GART: variants seen among roughly 807,000 people sequenced by gnomAD.
GART encodes trifunctional purine biosynthetic protein adenosine-3.
GART carries 43 observed loss-of-function variants against 107.2 expected under a neutral mutation model. The ratio of observed to expected loss-of-function variants is 0.40; its 90% CI spans 0.31 to 0.52. The LOEUF is 0.52. Among genes scored for constraint, GART ranks in the 20% least tolerant of loss-of-function variants. GART has a pLI of 0.52. For missense variants in GART, 1,107 were observed against 1,206.5 expected, an observed-to-expected ratio of 0.92 and a Z score of 1.22; for synonymous variants, 434 against 427.0, an observed-to-expected ratio of 1.02 and a Z score of -0.20.
upstream of GART, chr21:33,542,817 G>A (rs1009170860): frequency 1.9e-6 from 1 of 529,992 alleles, no homozygotes; most frequent in Non-Finnish European, 3.4e-6. Flanking sequence ...CAAGAGAGAC[G>A]GCTCCTGTAA....
intron 16 of GART, among the ~76,000 whole-genome samples, chr21:33,512,617 C>T (rs1175279253): frequency 1.3e-5 from 2 of 151,900 alleles, no homozygotes; most frequent in East Asian, 3.9e-4. Context: ...GAGACAGGAT[C>T]TGGCTCTGTT....
intron 6 of GART, 32 bp downstream of exon 6, chr21:33,531,457 A>G (rs2085186938): frequency 6.3e-7 from 1 of 1,593,118 alleles, no homozygotes; most frequent in Non-Finnish European, 8.6e-7. Context: ...CTTCTTATAC[A>G]CTACAAAAGC....
chr21:33,522,046 GA>G (rs1009777950), intron 12 of GART, 141 bp downstream of exon 12: 12 of 576,140 alleles, frequency 2.1e-5, no homozygotes, highest in Admixed American at 6.0e-5. Context: ...AAAGAAAGCA[GA>G]AGACTGGGTT....
chr21:33,535,411 C>CTA (rs1165170671), intron 2 of GART, 91 bp from the exon 3 acceptor site: 6 of 740,572 alleles, frequency 8.1e-6, no homozygotes, highest in Admixed American at 2.9e-5. Flanking sequence ...AAACTAAGTT[C>CTA]TATACTTTAG....
chr21:33,542,801 T>C, upstream of GART: 3 of 472,422 alleles, frequency 6.4e-6, no homozygotes, highest in Non-Finnish European at 1.2e-5. Flanking sequence ...GCGGACACGG[T>C]CGCCTCAAGA....
intron 13 of GART, 130 bp from the exon 14 acceptor site, chr21:33,520,692 A>G: frequency 1.2e-6 from 1 of 821,416 alleles, no homozygotes; most frequent in South Asian, 1.8e-5. Flanking sequence ...TTGGTCTAAA[A>G]GCATCCCCTT....
chr21:33,535,203 A>G, intron 3 of GART, 22 bp downstream of exon 3: 1 of 1,476,624 alleles, frequency 6.8e-7, no homozygotes, highest in Non-Finnish European at 9.2e-7. Flanking sequence ...ATACTGTAAC[A>G]ATAAACAGAA....
At chr21:33,512,289 G>GAAAAAAAAAAAAAAAAAAAA (rs563178142) in intron 16 of GART, among the ~76,000 whole-genome samples, 1 of 65,442 alleles carries the variant, frequency 1.5e-5, no homozygotes, top group African/African-American at 6.2e-5. Flanking sequence ...GACTCAAATT[G>GAAAAAAAAAAAAAAAAAAAA]AAAAAAAAAA....
At chr21:33,522,895 A>C (rs1475477623) in intron 11 of GART, among the ~76,000 whole-genome samples, 1 of 152,250 alleles carries the variant, frequency 6.6e-6, no homozygotes, top group Admixed American at 6.5e-5. Flanking sequence ...ATGCCTAATC[A>C]AGTCAAAAAA....
At chr21:33,523,489 A>G (rs2085009918) in intron 11 of GART, among the ~76,000 whole-genome samples, 4 of 152,226 alleles carry the variant, frequency 2.6e-5, no homozygotes, top group Admixed American at 2.0e-4. Context: ...TTTTTAAATG[A>G]AAAATAAATT....
At position 33,504,011 on chromosome 21, in the gene GART, G is replaced by T; in HGVS notation, c.*113C>A. The stretch of plus-strand genomic sequence containing the variant: ...AAAAAATAGATGAAGTAAGGGTGAG[G>T]TCTTTTTTGTCTTTTAGCAGTTTTT... On this transcript the variant is annotated 3_prime_UTR_variant, in exon 22 of 22. Transcript: ENST00000381815. The T allele has an allele frequency of 2.3e-6, 2 of 873,696 alleles. No individual in the cohort carries two copies. The highest frequency in any genetic ancestry group is 3.4e-6 in the Non-Finnish European group (2 of 582,696). The allele number at this position is 873,696 out of a possible 1,614,324, so 54.1% of individuals were successfully genotyped here. A position where few individuals can be genotyped will look rare whatever the true frequency, so the allele number is the denominator to read the frequency against.
intron 2 of GART, 78 bp downstream of exon 2, chr21:33,539,092 CA>C (rs1157969364): frequency 1.5e-5 from 20 of 1,361,178 alleles, no homozygotes; most frequent in Non-Finnish European, 1.9e-5. Flanking sequence ...TCTTTATTAA[CA>C]TAAAGTACAG....
chr21:33,511,560 CTA>C, intron 16 of GART, 102 bp from the exon 17 acceptor site: 1 of 1,203,982 alleles, frequency 8.3e-7, no homozygotes, highest in South Asian at 1.3e-5. Flanking sequence ...TCAGGCTCTG[CTA>C]TTTTATGTAG....
chr21:33,539,429 A>G (rs2085367086), intron 1 of GART, 73 bp from the exon 2 acceptor site: 5 of 1,139,696 alleles, frequency 4.4e-6, no homozygotes, highest in Non-Finnish European at 6.1e-6. Flanking sequence ...ACAGTGGCTC[A>G]TGCCTGTACC....
Position 33,504,442 on chromosome 21 carries a change from T to C in GART, c.2811A>G (p.Thr937=), listed in dbSNP as rs763387008. The part of the protein sequence containing the change: ...AHEQALETGV[T]VTGCTVHFVA... ...CAAAGTGTACAGTGCACCCAGTAACTGTGACTCCGGTTTCCAGGGCTTGCT... is the reference window on the plus strand; with the variant it reads ...CAAAGTGTACAGTGCACCCAGTAACCGTGACTCCGGTTTCCAGGGCTTGCT... Residue 937 remains threonine (T), a synonymous_variant, in exon 21 of 22, where the codon ACA becomes ACG. Transcript: ENST00000381815. 4.3e-6 allele frequency: 7 copies of C among 1,614,092 alleles called. No homozygotes were observed. The East Asian group carries it at 1.6e-4, about 36-fold the overall frequency.
At chr21:33,540,176 C>A (rs554965881) in intron 1 of GART, among the ~76,000 whole-genome samples, 1 of 152,084 alleles carries the variant, frequency 6.6e-6, no homozygotes, top group Non-Finnish European at 1.5e-5. Flanking sequence ...AAAGATAATA[C>A]GAAGATGAAT....
At chr21:33,530,973 CTTCT>C in intron 6 of GART, 89 bp from the exon 7 acceptor site, 4 of 1,202,818 alleles carry the variant, frequency 3.3e-6, no homozygotes, top group Non-Finnish European at 4.4e-6. Context: ...TCCCTTAATT[CTTCT>C]TTGAGGAAAA....
intron 2 of GART, among the ~76,000 whole-genome samples, chr21:33,536,492 G>A (rs1219009380): frequency 1.3e-5 from 2 of 152,190 alleles, no homozygotes; most frequent in African/African-American, 4.8e-5. Flanking sequence ...TTTATCCTTA[G>A]AGGACACATT....
intron 14 of GART, among the ~76,000 whole-genome samples, chr21:33,518,367 A>G (rs2084913858): frequency 6.6e-6 from 1 of 152,130 alleles, no homozygotes. Context: ...AATCCCAGCT[A>G]CTTGGGAGGA....
Sources: gnomAD v4.1 joint callset for allele counts (sites outside exome capture counted in the v4.1 genomes callset) on GRCh38, gnomAD v4.1.1 for gene constraint, MANE v1.5 for transcripts, NCBI Gene and HGNC (gene_info 2026-07-23, HGNC 2026-07-21) for gene names.